CCDC7: variants seen among roughly 807,000 people sequenced by gnomAD.
CCDC7 encodes coiled-coil domain containing 7.
A neutral mutation model predicts 196.9 loss-of-function variants in CCDC7; 183 were observed. The ratio of observed to expected loss-of-function variants is 0.93; its 90% confidence interval spans 0.82 to 1.05. The LOEUF (loss-of-function observed/expected upper bound fraction) is 1.05. Ranked by LOEUF, CCDC7 falls within the 50% of genes least tolerant of loss-of-function variation. The pLI, the probability that CCDC7 is intolerant of heterozygous loss-of-function variation, is 0.00. For synonymous variants in CCDC7, 525 were observed against 484.6 expected (o/e 1.08, Z -1.10); for missense variants, 1,540 against 1,482.2 (o/e 1.04, Z -0.64).
chr10:32,537,868 C>T (rs1431206893), intron 11 of CCDC7, among the ~76,000 whole-genome samples: 1 of 152,094 alleles, frequency 6.6e-6, no homozygotes, highest in Non-Finnish European at 1.5e-5. Context: ...GTTTTTGCAC[C>T]TGTACCATGC....
At chr10:32,561,429 A>G (rs945315865) in intron 13 of CCDC7, among the ~76,000 whole-genome samples, 10 of 152,236 alleles carry the variant, frequency 6.6e-5, no homozygotes, top group African/African-American at 2.4e-4. Context: ...ATGTAAAAGA[A>G]CAGAAATTAT....
At chr10:32,867,551 A>G (rs1182797137) in intron 41 of CCDC7, among the ~76,000 whole-genome samples, 1 of 151,318 alleles carries the variant, frequency 6.6e-6, no homozygotes, top group Admixed American at 6.6e-5. Flanking sequence ...GAAAAATCAA[A>G]AGATTTTTAA....
chr10:32,594,446 T>G (rs941759190), intron 18 of CCDC7, among the ~76,000 whole-genome samples: 10 of 152,342 alleles, frequency 6.6e-5, no homozygotes, highest in African/African-American at 2.4e-4. Flanking sequence ...AAGGAGATTT[T>G]GGGCTGAGAC....
chr10:32,769,351 C>A (rs2078804801), intron 28 of CCDC7, among the ~76,000 whole-genome samples: 1 of 151,162 alleles, frequency 6.6e-6, no homozygotes, highest in African/African-American at 2.4e-5. Context: ...GTTCTTATGT[C>A]TCCTTTTTCA....
At chr10:32,768,590 G>A (rs2078682707) in intron 28 of CCDC7, among the ~76,000 whole-genome samples, 2 of 152,092 alleles carry the variant, frequency 1.3e-5, no homozygotes, top group South Asian at 2.1e-4. Context: ...GGGCATCCTT[G>A]TTCTACTTCT....
chr10:32,708,310 C>T (rs928389970), intron 24 of CCDC7, among the ~76,000 whole-genome samples: 3 of 152,130 alleles, frequency 2.0e-5, no homozygotes, highest in African/African-American at 7.2e-5. Flanking sequence ...ACAACTTGTA[C>T]AAAAATTAAT....
At chr10:32,508,312 A>C (rs1210520801) in intron 9 of CCDC7, among the ~76,000 whole-genome samples, 1 of 152,234 alleles carries the variant, frequency 6.6e-6, no homozygotes, top group Non-Finnish European at 1.5e-5. Flanking sequence ...AAGAAATGAA[A>C]TATTTAATAA....
intron 21 of CCDC7, among the ~76,000 whole-genome samples, chr10:32,667,085 G>A (rs1473270578): frequency 2.0e-5 from 3 of 152,122 alleles, no homozygotes; most frequent in Admixed American, 6.5e-5. Flanking sequence ...GTGTGAGATG[G>A]TATCTCATTG....
intron 32 of CCDC7, among the ~76,000 whole-genome samples, chr10:32,829,609 G>A (rs187319558): frequency 2.0e-5 from 3 of 152,248 alleles, no homozygotes; most frequent in African/African-American, 7.2e-5. Context: ...GTTGTATCAC[G>A]TTAGGCATAA....
intron 18 of CCDC7, among the ~76,000 whole-genome samples, chr10:32,629,372 G>T (rs1392938634): frequency 1.3e-5 from 2 of 151,962 alleles, no homozygotes; most frequent in Non-Finnish European, 2.9e-5. Flanking sequence ...AAGTTTAAAA[G>T]TCACCTTTTT....
intron 28 of CCDC7, among the ~76,000 whole-genome samples, chr10:32,771,883 T>G (rs2079217332): frequency 6.6e-6 from 1 of 152,220 alleles, no homozygotes; most frequent in Admixed American, 6.5e-5. Context: ...AGTGCTATTC[T>G]GCCAGGAGAT....
chr10:32,491,843 A>G (rs1217930806), intron 8 of CCDC7, 79 bp from the exon 10 acceptor site: 14 of 1,337,818 alleles, frequency 1.0e-5, no homozygotes, highest in South Asian at 5.4e-5. Context: ...TTTCACATCT[A>G]TAGCAGTTAT....
intron 11 of CCDC7, among the ~76,000 whole-genome samples, chr10:32,542,633 C>CAAAAAAA (rs11375465): frequency 1.1e-5 from 1 of 87,940 alleles, no homozygotes; most frequent in Non-Finnish European, 2.0e-5. Context: ...ACTCCCATCT[C>CAAAAAAA]AAAAAAAAAA....
chr10:32,610,527 G>C (rs1368386446), intron 18 of CCDC7, among the ~76,000 whole-genome samples: 9 of 151,998 alleles, frequency 5.9e-5, no homozygotes, highest in Non-Finnish European at 1.0e-4. Context: ...ACCCATCAAC[G>C]CGTCATCTAC....
intron 28 of CCDC7, among the ~76,000 whole-genome samples, chr10:32,771,155 T>C (rs1444904568): frequency 6.6e-6 from 1 of 152,204 alleles, no homozygotes; most frequent in African/African-American, 2.4e-5. Context: ...TGTGTTTTTA[T>C]TTTATAGGCC....
intron 20 of CCDC7, among the ~76,000 whole-genome samples, chr10:32,638,777 A>G (rs1442700859): frequency 2.6e-5 from 4 of 152,156 alleles, no homozygotes; most frequent in South Asian, 2.1e-4. Context: ...CTCTTTTTCT[A>G]TTGATTGGAA....
At chr10:32,736,362 T>C (rs2084866928) in intron 28 of CCDC7, among the ~76,000 whole-genome samples, 1 of 152,194 alleles carries the variant, frequency 6.6e-6, no homozygotes, top group South Asian at 2.1e-4. Context: ...ATTTTAGTTT[T>C]CCTTTTTTTG....
intron 23 of CCDC7, among the ~76,000 whole-genome samples, chr10:32,690,418 A>G (rs2076951069): frequency 6.6e-6 from 1 of 152,172 alleles, no homozygotes; most frequent in Admixed American, 6.5e-5. Flanking sequence ...TAAGTGAAAA[A>G]AAGATATGGA....
intron 28 of CCDC7, among the ~76,000 whole-genome samples, chr10:32,732,146 A>T (rs2084093017): frequency 6.6e-6 from 1 of 152,146 alleles, no homozygotes; most frequent in Non-Finnish European, 1.5e-5. Flanking sequence ...TTCACTTTTT[A>T]TTGGGTTAAA....
Sources: allele counts gnomAD v4.1 joint callset (sites outside exome capture counted in the v4.1 genomes callset), GRCh38; gene constraint gnomAD v4.1.1; transcripts MANE v1.5; gene names NCBI Gene and HGNC (gene_info 2026-07-23, HGNC 2026-07-21).